ZNF558: variants seen among roughly 807,000 people sequenced by gnomAD.
ZNF558 encodes the protein zinc finger protein 558.
Under a neutral mutation model 37.6 loss-of-function variants are expected in ZNF558, and 23 were observed. The observed-to-expected ratio is 0.61, with a 90% CI of 0.44 to 0.87. The LOEUF (loss-of-function observed/expected upper bound fraction) is 0.87. ZNF558 is among the 40% of genes least tolerant of loss of function. The pLI, the probability that ZNF558 is intolerant of heterozygous loss-of-function variation, is 0.00. For missense variants in ZNF558, 429 were observed against 483.7 expected (o/e 0.89, Z 1.06); for synonymous variants, 189 against 174.4 (o/e 1.08, Z -0.66).
intron 2 of ZNF558, among the ~76,000 whole-genome samples, chr19:8,829,820 C>T (rs1177510551): frequency 6.6e-6 from 1 of 152,136 alleles, no homozygotes; most frequent in Non-Finnish European, 1.5e-5. Flanking sequence ...TGTAGGAAAG[C>T]TAGAATGGAA....
chr19:8,836,577 G>A (rs1434814822), upstream of ZNF558, among the ~76,000 whole-genome samples: 1 of 151,274 alleles, frequency 6.6e-6, no homozygotes, highest in Admixed American at 6.6e-5. Context: ...TTGCAGCCTC[G>A]ACCTCCTGGG....
chr19:8,821,393 C>T (rs1599275802), intron 6 of ZNF558, 87 bp from the exon 7 acceptor site: 2 of 1,612,526 alleles, frequency 1.2e-6, no homozygotes, highest in East Asian at 4.5e-5. Context: ...AGAGCCAGGG[C>T]TGGGGAAACC....
At chr19:8,825,679 G>A (rs1415610622) in intron 2 of ZNF558, among the ~76,000 whole-genome samples, 1 of 152,162 alleles carries the variant, frequency 6.6e-6, no homozygotes, top group Non-Finnish European at 1.5e-5. Flanking sequence ...TAAAAGGAGT[G>A]AAGGGTGTGA....
In ZNF558 at chr19:8,820,636, C is replaced by T. The variant is rs542559833; in HGVS notation, c.247+544G>A. Among the ~76,000 whole-genome samples the T allele has an allele frequency of 4.8e-4, 73 of 152,174 alleles. 1 individual carries two copies. Among genetic ancestry groups the T allele is most frequent in the Middle Eastern group, 6.8e-3 (2 of 294 alleles). ...AGCTGGGGATAGGTGTGTGCCACCA[C>T]GTCCGGCTAATTTGTATTTTTAGTG... On this transcript the variant is annotated intron_variant, in intron 7 of 9. Coordinates refer to ENST00000601372, the MANE Select transcript of ZNF558 (RefSeq NM_144693.3).
At chr19:8,819,968 A>G (rs1427148782) in intron 7 of ZNF558, among the ~76,000 whole-genome samples, 1 of 152,190 alleles carries the variant, frequency 6.6e-6, no homozygotes, top group Non-Finnish European at 1.5e-5. Flanking sequence ...AACAAATAAC[A>G]ACAATAACAA....
intron 6 of ZNF558, 141 bp from the exon 7 acceptor site, chr19:8,821,447 A>G: frequency 6.5e-7 from 1 of 1,530,066 alleles, no homozygotes; most frequent in South Asian, 1.3e-5. Context: ...CTCACCTCCC[A>G]GGGTTCTGAG....
Position 8,807,128 on chromosome 19 carries a change from T to G in ZNF558, c.*4153A>C, listed in dbSNP as rs1282378267. On this transcript the variant is annotated 3_prime_UTR_variant, in exon 10 of 10. Transcript: ENST00000601372. ...TCCTGTCTCAATGGATGAAGGAGAG[T>G]GAGGTCTGACCCTGGCTATTTCCTG... 2 of 152,116 alleles carry G rather than the reference T, an allele frequency of 1.3e-5. No individual in the cohort carries two copies. Among genetic ancestry groups the G allele is most frequent in the African/African-American group, 4.8e-5 (2 of 41,404 alleles). The allele number at this position is 152,116 out of a possible 1,614,324, so 9.4% of individuals were successfully genotyped here.
upstream of ZNF558, among the ~76,000 whole-genome samples, chr19:8,835,234 C>A (rs1316273827): frequency 6.6e-6 from 1 of 152,062 alleles, no homozygotes; most frequent in East Asian, 1.9e-4. Context: ...GTATTTTTAG[C>A]AGAGAGAGGG....
At chr19:8,818,492 T>C (rs1273183903) in intron 7 of ZNF558, among the ~76,000 whole-genome samples, 2 of 152,120 alleles carry the variant, frequency 1.3e-5, no homozygotes, top group Non-Finnish European at 2.9e-5. Flanking sequence ...CTTAATATTG[T>C]TAAGGTGACA....
rs184424809 is a variant in ZNF558, at chr19:8,819,896, G to A, written c.247+1284C>T. On this transcript the variant is annotated intron_variant, in intron 7 of 9. Coordinates refer to ENST00000601372, the MANE Select transcript of ZNF558 (RefSeq NM_144693.3). ...GCAGAGGTTGCAGTGAGCCGAGATC[G>A]TGCTGCGCCACTGCACTCCAGCCTG... is the stretch of plus-strand genomic sequence containing the variant. Among the ~76,000 whole-genome samples, 728 of 152,236 alleles carry A rather than the reference G, an allele frequency of 4.8e-3. 3 individuals carry two copies. The highest frequency in any genetic ancestry group is 8.0e-3 in the Non-Finnish European group (546 of 67,994).
rs1007510612 is a variant in ZNF558 at position 8,824,133 on chromosome 19, G to C, written c.-117C>G. 1.3e-5 allele frequency: 2 copies of C among 152,416 alleles called. No individual in the cohort carries two copies. Among genetic ancestry groups the C allele is most frequent in the Non-Finnish European group, 2.9e-5 (2 of 68,264 alleles). The allele number at this position is 152,416 out of a possible 1,614,324, so 9.4% of individuals were successfully genotyped here. On this transcript the variant is annotated 5_prime_UTR_variant, in exon 4 of 10. Transcript: ENST00000601372. ...GGAGACAGCGGGGGTGGGTGCAGGG[G>C]TGACTTTCAGGACCAGGTCTTGGAA...
chr19:8,817,611 C>G (rs1458795247), intron 7 of ZNF558, among the ~76,000 whole-genome samples: 1 of 151,850 alleles, frequency 6.6e-6, no homozygotes, highest in African/African-American at 2.4e-5. Flanking sequence ...GGGACATAGC[C>G]CCATCAAAGT....
upstream of ZNF558, among the ~76,000 whole-genome samples, chr19:8,835,130 C>G (rs2044441563): frequency 1.3e-5 from 2 of 151,830 alleles, no homozygotes; most frequent in South Asian, 4.2e-4. Flanking sequence ...TGGCTCACTG[C>G]ATCCTCTGCC....
Position 8,812,022 on chromosome 19 carries a change from C to G in ZNF558, c.468G>C (p.Gln156His), listed in dbSNP as rs182749347. The G allele has an allele frequency of 1.9e-6, 3 of 1,608,834 alleles. No individual in the cohort carries two copies. Among genetic ancestry groups the G allele is most frequent in the Admixed American group, 1.7e-5 (1 of 59,372 alleles). ...HRGVKLNECN[Q>H]CFKVFSTKSN... ...ATTTCGTGCTGAAGACTTTAAAACA[C>G]TGATTACATTCATTGAGTTTCACTC... The change falls in exon 10 of 10, where the codon CAG (glutamine) becomes CAC (histidine). Residue 156 changes from glutamine (Q) to histidine (H), a missense_variant. Gln to His is a conservative substitution (Grantham distance 24). Transcript: ENST00000601372.
rs1555768951 is a variant in ZNF558, at chr19:8,813,154, T to C, written c.316A>G (p.Arg106Gly). ...GGACAGGTGCTTGGTAGAATTCCTC[T>C]TTCCTCTGTCACCACCTTCTTGTCT... Reference protein sequence around the residue: ...EQDKKVVTEERGILPSTCPDL... With the variant: ...EQDKKVVTEEGGILPSTCPDL... The change falls in exon 8 of 10, where the codon AGA becomes GGA. Residue 106 changes from arginine (R) to glycine (G), a missense_variant. Transcript: ENST00000601372. The C allele has an allele frequency of 6.3e-7, 1 of 1,596,668 alleles. No homozygotes were observed. The highest frequency in any genetic ancestry group is 8.5e-7 in the Non-Finnish European group (1 of 1,170,830).
chr19:8,812,274 A>G (rs561742719), intron 9 of ZNF558, among the ~76,000 whole-genome samples: 2 of 152,354 alleles, frequency 1.3e-5, no homozygotes, highest in South Asian at 4.1e-4. Context: ...TCAGATGCAC[A>G]AAACATTTTC....
Position 8,812,634 on chromosome 19 carries a change from G to A in ZNF558, c.353C>T (p.Thr118Ile), listed in dbSNP as rs1001894081. ...AGTTAACCATTTGGCTTTAAGTAGA[G>A]TCTCCAAATCTGAAACAAATTGAAA... The part of the protein sequence containing the change: ...ILPSTCPDLE[T>I]LLKAKWLTPK... Residue 118 changes from threonine to isoleucine, a missense_variant, in exon 9 of 10, where the codon ACT becomes ATT. By Grantham distance (89) the Thr-to-Ile change is moderately conservative (BLOSUM62 -1). Coordinates refer to ENST00000601372, the MANE Select transcript of ZNF558 (RefSeq NM_144693.3). The A allele has an allele frequency of 1.2e-6, 2 of 1,600,590 alleles. No individual in the cohort carries two copies. The highest frequency in any genetic ancestry group is 1.7e-6 in the Non-Finnish European group (2 of 1,175,722).
At position 8,811,290 on chromosome 19, in the gene ZNF558, T is replaced by C. The variant is rs2043781263; in HGVS notation, c.1200A>G (p.Arg400=). 6.4e-7 allele frequency: 1 copy of C among 1,564,992 alleles called. No individual in the cohort carries two copies. Among genetic ancestry groups the C allele is most frequent in the Non-Finnish European group, 8.6e-7 (1 of 1,158,220 alleles). Residue 400 remains arginine (R), a synonymous_variant, in exon 10 of 10, where the codon AGA becomes AGG. Transcript: ENST00000601372. ...AAGTTCCTGCAGTAATTCATATCCATCTATTATGTATTCTCTTGTGCACAG... is the reference window on the plus strand; with the variant it reads ...AAGTTCCTGCAGTAATTCATATCCACCTATTATGTATTCTCTTGTGCACAG... ...YLSVHKRIHN[R]WI
rs1555768199 is a variant in ZNF558 at position 8,811,808 on chromosome 19, T to C, written c.682A>G (p.Arg228Gly). The C allele has an allele frequency of 6.2e-7, 1 of 1,614,212 alleles. No individual in the cohort carries two copies. The highest frequency in any genetic ancestry group is 1.7e-5 in the Admixed American group (1 of 60,024). ...TAGGGTTTTTCTCCAGTGTGAATTC[T>C]CAAATGCAGTCTAAGGGATGAGGGA... is the stretch of plus-strand genomic sequence containing the variant. Reference protein sequence around the residue: ...SDPSSLRLHLRIHTGEKPYEC... With the variant: ...SDPSSLRLHLGIHTGEKPYEC... The change falls in exon 10 of 10, where the codon AGA becomes GGA. Residue 228 changes from arginine to glycine, a missense_variant. Transcript: ENST00000601372.
Sources: allele counts gnomAD v4.1 joint callset (sites outside exome capture counted in the v4.1 genomes callset), GRCh38; gene constraint gnomAD v4.1.1; transcripts MANE v1.5; gene names NCBI Gene and HGNC (gene_info 2026-07-23, HGNC 2026-07-21).